Variants in WDR19 observed in about 807,000 individuals in gnomAD.
WDR19 encodes the protein WD repeat-containing protein 19.
A neutral mutation model predicts 180.0 loss-of-function variants in WDR19; 121 were observed. The ratio of observed to expected loss-of-function variants is 0.67; its 90% CI spans 0.58 to 0.78. The LOEUF is 0.78. Among genes scored for constraint, WDR19 ranks in the 30% least tolerant of loss-of-function variants. The probability of loss-of-function intolerance (pLI) is 0.00; values close to 1 mark genes in which losing one functional copy is unlikely to be tolerated. For missense variants in WDR19, 1,450 were observed against 1,640.7 expected (o/e 0.88, Z 2.01); for synonymous variants, 497 against 540.7 (o/e 0.92, Z 1.12).
chr4:39,190,253 C>G (rs1198677921), intron 4 of WDR19, among the ~76,000 whole-genome samples: 1 of 152,138 alleles, frequency 6.6e-6, no homozygotes, highest in Non-Finnish European at 1.5e-5. Flanking sequence ...TCACCAGAGC[C>G]CATTCAGTTC....
At chr4:39,182,959 C>T (rs1725103105) in intron 1 of WDR19, among the ~76,000 whole-genome samples, 1 of 152,182 alleles carries the variant, frequency 6.6e-6, no homozygotes, top group Admixed American at 6.5e-5. Flanking sequence ...CACGAGCTAC[C>T]TCATTTCTTG....
At chr4:39,209,568 C>T (rs1432312575) in intron 9 of WDR19, among the ~76,000 whole-genome samples, 3 of 151,872 alleles carry the variant, frequency 2.0e-5, no homozygotes, top group East Asian at 1.9e-4. Flanking sequence ...CAAAACTAGC[C>T]GGGCATGGTG....
intron 1 of WDR19, 101 bp downstream of exon 1, chr4:39,182,664 G>T (rs1725062076): frequency 1.5e-5 from 23 of 1,537,216 alleles, no homozygotes; most frequent in East Asian, 2.3e-5. Context: ...TTCTGAGTTC[G>T]TTGGAAATGA....
intron 20 of WDR19, among the ~76,000 whole-genome samples, chr4:39,235,997 C>T (rs560714132): frequency 1.3e-5 from 2 of 151,916 alleles, no homozygotes; most frequent in African/African-American, 4.8e-5. Context: ...ATGTTGGTAA[C>T]GATGTAGAGA....
chr4:39,270,444 C>T (rs1354886564), intron 31 of WDR19, among the ~76,000 whole-genome samples: 4 of 152,078 alleles, frequency 2.6e-5, no homozygotes, highest in African/African-American at 4.8e-5. Context: ...GGCACGTCCT[C>T]GGCTCACTGC....
intron 36 of WDR19, among the ~76,000 whole-genome samples, chr4:39,281,236 T>TATATATATATATATAG (rs762298152): frequency 9.6e-6 from 1 of 104,040 alleles, no homozygotes; most frequent in African/African-American, 5.2e-5. Context: ...TATATATATA[T>TATATATATATATATAG]AGAGAGAGAG....
At chr4:39,188,027 C>T (rs545125661) in intron 3 of WDR19, among the ~76,000 whole-genome samples, 1 of 152,188 alleles carries the variant, frequency 6.6e-6, no homozygotes, top group Non-Finnish European at 1.5e-5. Flanking sequence ...TCCCAACTGT[C>T]TTAAATATAA....
At chr4:39,277,291 A>G in intron 34 of WDR19, 148 bp downstream of exon 34, 1 of 900,772 alleles carries the variant, frequency 1.1e-6, no homozygotes, top group Non-Finnish European at 1.6e-6. Context: ...TTCATAGTCA[A>G]TACAGTTAAA....
At position 39,232,535 on chromosome 4, in the gene WDR19, G is replaced by A. The variant is rs1216298464; in HGVS notation, c.2253+263G>A. Among the ~76,000 whole-genome samples the A allele has an allele frequency of 5.3e-5, 8 of 152,000 alleles. No individual in the cohort carries two copies. The South Asian group carries it at 6.2e-4, about 12-fold the overall frequency. ...AGCTACTCAGGAGGCTGAGACAGGA[G>A]AACTGCTTGAACCTGGGAGGTGGAG... On this transcript the variant is annotated intron_variant, in intron 19 of 36. Coordinates refer to ENST00000399820, the MANE Select transcript of WDR19 (RefSeq NM_025132.4).
rs1734979734 is a variant in WDR19 at position 39,267,998 on chromosome 4, G to A, written c.3265G>A (p.Ala1089Thr). 1.2e-6 allele frequency: 2 copies of A among 1,600,320 alleles called. No individual in the cohort carries two copies. The highest frequency in any genetic ancestry group is 2.3e-5 in the South Asian group (2 of 88,290). ...TCTATAATGGTTTATGTGTCAGGAT[G>A]CCAAGTACCTGTTCCGCTTGTACAT... ...LGENDGMPKD[A>T]KYLFRLYMAL... The change falls in exon 30 of 37, where the codon GCC (alanine) becomes ACC (threonine). Residue 1089 changes from alanine (A) to threonine (T), a missense_variant. By Grantham distance (58) the Ala-to-Thr change is moderately conservative (BLOSUM62 0). Coordinates refer to ENST00000399820, the MANE Select transcript of WDR19 (RefSeq NM_025132.4).
At chr4:39,214,728 G>T in intron 10 of WDR19, 57 bp downstream of exon 10, 3 of 1,106,880 alleles carry the variant, frequency 2.7e-6, no homozygotes, top group Non-Finnish European at 2.7e-6. Context: ...AGAGAGTAAG[G>T]TTGTGTTTGT....
At chr4:39,185,892 TTTTG>T in intron 2 of WDR19, 75 bp downstream of exon 2, 2 of 1,202,946 alleles carry the variant, frequency 1.7e-6, no homozygotes, top group Non-Finnish European at 2.2e-6. Flanking sequence ...TAGAAGTTTT[TTTTG>T]TTGTTGTTTT....
chr4:39,220,132 G>T (rs1479664068), intron 14 of WDR19, among the ~76,000 whole-genome samples: 1 of 152,038 alleles, frequency 6.6e-6, no homozygotes, highest in Admixed American at 6.5e-5. Flanking sequence ...GAGGTGGGAA[G>T]ATCACTTGAG....
At chr4:39,202,244 G>A (rs1236789979) in intron 6 of WDR19, among the ~76,000 whole-genome samples, 3 of 151,880 alleles carry the variant, frequency 2.0e-5, no homozygotes, top group Non-Finnish European at 2.9e-5. Context: ...CCTCATATTA[G>A]TTCACATATT....
intron 4 of WDR19, among the ~76,000 whole-genome samples, chr4:39,191,033 C>T (rs35391082): frequency 0.45 from 68,701 of 152,062 alleles, 18,683 homozygotes; most frequent in East Asian, 0.62. Flanking sequence ...TCTGTTTCTC[C>T]ACATCATCTC....
chr4:39,211,947 G>C (rs868122755), intron 9 of WDR19, among the ~76,000 whole-genome samples: 5 of 94,064 alleles, frequency 5.3e-5, no homozygotes, highest in South Asian at 5.3e-4. Flanking sequence ...GAGAGAGAGA[G>C]AGAGAGAGAG....
chr4:39,262,606 T>A (rs1336500854), intron 28 of WDR19, among the ~76,000 whole-genome samples: 1 of 152,110 alleles, frequency 6.6e-6, no homozygotes, highest in Non-Finnish European at 1.5e-5. Context: ...CTCTTGCTCC[T>A]TACACCTAAA....
chr4:39,228,380 A>G (rs1560514338), intron 16 of WDR19, 23 bp downstream of exon 16: 7 of 1,603,050 alleles, frequency 4.4e-6, no homozygotes, highest in African/African-American at 1.3e-5. Flanking sequence ...TTTTGTGTAT[A>G]TTCGCTGACA....
chr4:39,240,279 G>C lies in WDR19; in HGVS notation c.2366G>C (p.Gly789Ala). The part of the protein sequence containing the change: ...KEYAIQLEFA[G>A]DYVNALAHYE... ...ATTCACTCTTATTTTTTTTTCAGGG[G>C]TGATTATGTAAATGCTTTGGCTCAT... is the stretch of plus-strand genomic sequence containing the variant. The change falls in exon 21 of 37, where the codon GGT becomes GCT. Residue 789 changes from glycine to alanine, a missense_variant and splice_region_variant. Physicochemically the swap from Gly to Ala is moderately conservative, Grantham distance 60. Coordinates refer to ENST00000399820, the MANE Select transcript of WDR19 (RefSeq NM_025132.4). 7.3e-7 allele frequency: 1 copy of C among 1,378,100 alleles called. No homozygotes were observed. Among genetic ancestry groups the C allele is most frequent in the African/African-American group, 1.5e-5 (1 of 65,542 alleles). The allele number at this position is 1,378,100 out of a possible 1,614,324, so 85.4% of individuals were successfully genotyped here.
Sources: allele counts gnomAD v4.1 joint callset (sites outside exome capture counted in the v4.1 genomes callset), GRCh38; gene constraint gnomAD v4.1.1; transcripts MANE v1.5; gene names NCBI Gene and HGNC (gene_info 2026-07-23, HGNC 2026-07-21).